Variants in TBC1D9 observed in about 807,000 individuals in gnomAD.
TBC1D9 encodes the protein TBC1 domain family member 9A.
In TBC1D9, 63 loss-of-function variants were observed where a neutral mutation model predicts 132.0. The ratio of observed to expected loss-of-function variants is 0.48; its 90% confidence interval spans 0.39 to 0.59. The LOEUF (loss-of-function observed/expected upper bound fraction) is 0.59. Among genes scored for constraint, TBC1D9 ranks in the 20% least tolerant of loss-of-function variants. The pLI is 0.00. For missense variants in TBC1D9, 1,261 were observed against 1,592.7 expected (o/e 0.79, Z 3.54); for synonymous variants, 610 against 609.9 (o/e 1.00, Z 0.00).
chr4:140,653,838 G>A (rs147933247), intron 13 of TBC1D9, among the ~76,000 whole-genome samples: 1 of 152,332 alleles, frequency 6.6e-6, no homozygotes, highest in African/African-American at 2.4e-5. Context: ...GAAGGGAACT[G>A]CGGCTTTGTC....
chr4:140,752,057 C>T (rs6853616), intron 1 of TBC1D9, among the ~76,000 whole-genome samples: 48,817 of 151,970 alleles, frequency 0.32, 8,191 homozygotes, highest in East Asian at 0.57. Context: ...CTAGCAATTC[C>T]TCTCCTGTTT....
At chr4:140,737,157 G>C (rs114598117) in intron 1 of TBC1D9, among the ~76,000 whole-genome samples, 1 of 152,156 alleles carries the variant, frequency 6.6e-6, no homozygotes, top group African/African-American at 2.4e-5. Flanking sequence ...TGCTGCTGCT[G>C]ATCTGACAGG....
rs150092531 is a variant in TBC1D9 at position 140,637,148 on chromosome 4, G to C, written c.2505+1938C>G. Among the ~76,000 whole-genome samples the C allele has an allele frequency of 9.3e-4, 142 of 152,100 alleles. 6 individuals carry two copies. In the East Asian group the frequency reaches 0.024, roughly 25 times the overall value. ...AGGCAGATCACAAGGTCAGGAGTTC[G>C]AGACCAGCATGGCCAATATGGTGAA... On this transcript the variant is annotated intron_variant, in intron 15 of 20. Coordinates refer to ENST00000442267, the MANE Select transcript of TBC1D9 (RefSeq NM_015130.3).
chr4:140,723,844 T>A (rs1738459422), intron 1 of TBC1D9, among the ~76,000 whole-genome samples: 2 of 151,972 alleles, frequency 1.3e-5, no homozygotes, highest in Non-Finnish European at 2.9e-5. Context: ...ACTCCTGGGT[T>A]CAAATGTTCC....
At chr4:140,716,809 T>C (rs2111054126) in intron 1 of TBC1D9, among the ~76,000 whole-genome samples, 1 of 151,520 alleles carries the variant, frequency 6.6e-6, no homozygotes, top group Admixed American at 6.6e-5. Context: ...AATTATATTG[T>C]CTACACCTAG....
In TBC1D9 at chr4:140,726,924, A is replaced by G. The variant is rs192106830; in HGVS notation, c.131-25310T>C. ...TCAAGCTGCCTCTGTCATTTACTCA[A>G]TATCTCATAACAACTGATATGCGGT... On this transcript the variant is annotated intron_variant, in intron 1 of 20. Coordinates refer to ENST00000442267, the MANE Select transcript of TBC1D9 (RefSeq NM_015130.3). Among the ~76,000 whole-genome samples, 9 of 152,230 alleles carry G rather than the reference A, an allele frequency of 5.9e-5. 1 individual carries two copies. The highest frequency in any genetic ancestry group is 9.6e-5 in the African/African-American group (4 of 41,526).
At chr4:140,741,025 T>G (rs1025875640) in intron 1 of TBC1D9, among the ~76,000 whole-genome samples, 1 of 152,158 alleles carries the variant, frequency 6.6e-6, no homozygotes, top group African/African-American at 2.4e-5. Context: ...GAAAAACTAG[T>G]TCAGGCCATG....
chr4:140,670,207 G>C (rs1737514174), intron 7 of TBC1D9, among the ~76,000 whole-genome samples: 1 of 152,196 alleles, frequency 6.6e-6, no homozygotes, highest in Non-Finnish European at 1.5e-5. Flanking sequence ...CAGAGACAGA[G>C]ATGTTATGTG....
intron 6 of TBC1D9, among the ~76,000 whole-genome samples, chr4:140,674,652 T>TA (rs922756983): frequency 4.7e-5 from 7 of 150,000 alleles, no homozygotes; most frequent in East Asian, 1.9e-4. Flanking sequence ...CCCTATCTCT[T>TA]AAAAAAAAAT....
chr4:140,725,052 T>G (rs944953917), intron 1 of TBC1D9, among the ~76,000 whole-genome samples: 3 of 152,214 alleles, frequency 2.0e-5, no homozygotes, highest in Non-Finnish European at 4.4e-5. Flanking sequence ...CGATTTCACT[T>G]GTTGAAATTT....
intron 13 of TBC1D9, chr4:140,643,045 G>T (rs1046863820): frequency 7.6e-6 from 9 of 1,179,826 alleles, no homozygotes; most frequent in South Asian, 1.5e-5. Flanking sequence ...GGGTACATCC[G>T]CTCCTCCTTC....
chr4:140,638,677 A>AACTCTGCATTTGTCTGGCGCT (rs1736917953), intron 15 of TBC1D9, among the ~76,000 whole-genome samples: 1 of 152,140 alleles, frequency 6.6e-6, no homozygotes, highest in African/African-American at 2.4e-5. Flanking sequence ...AAGGAAAATC[A>AACTCTGCATTTGTCTGGCGCT]CAGAAATTTA....
At chr4:140,729,933 C>T (rs1738562154) in intron 1 of TBC1D9, among the ~76,000 whole-genome samples, 1 of 150,858 alleles carries the variant, frequency 6.6e-6, no homozygotes, top group Admixed American at 6.6e-5. Flanking sequence ...ACTGAGAAAG[C>T]ACTGTTTTGA....
chr4:140,626,115 T>G (rs950866655), intron 18 of TBC1D9, among the ~76,000 whole-genome samples: 1 of 152,236 alleles, frequency 6.6e-6, no homozygotes, highest in Non-Finnish European at 1.5e-5. Flanking sequence ...GAGAACATTT[T>G]GTAGCCAGAA....
At chr4:140,639,217 C>T in intron 14 of TBC1D9, 63 bp from the exon 15 acceptor site, 1 of 1,474,314 alleles carries the variant, frequency 6.8e-7, no homozygotes, top group Admixed American at 2.0e-5. Flanking sequence ...GGGAAAATCC[C>T]TAATTTTTCC....
intron 13 of TBC1D9, chr4:140,642,475 GT>G: frequency 4.0e-6 from 4 of 1,005,290 alleles, no homozygotes; most frequent in Non-Finnish European, 4.6e-6. Flanking sequence ...GCCCCTGCCA[GT>G]TTTTGATTTC....
chr4:140,719,349 G>A (rs1235018165), intron 1 of TBC1D9, among the ~76,000 whole-genome samples: 1 of 152,078 alleles, frequency 6.6e-6, no homozygotes, highest in Non-Finnish European at 1.5e-5. Context: ...AAACTGTAGA[G>A]TCTCTCACTC....
chr4:140,635,320 A>G (rs1043714810), intron 15 of TBC1D9, among the ~76,000 whole-genome samples: 9 of 152,038 alleles, frequency 5.9e-5, no homozygotes, highest in African/African-American at 9.7e-5. Context: ...TCTATGAAAA[A>G]AAAGTTTAAA....
intron 1 of TBC1D9, among the ~76,000 whole-genome samples, chr4:140,718,675 C>A (rs1258260555): frequency 3.9e-5 from 6 of 152,182 alleles, no homozygotes; most frequent in African/African-American, 1.4e-4. Flanking sequence ...TCCGAAAGAG[C>A]ACCCAGCAGT....
Sources: allele counts gnomAD v4.1 joint callset (sites outside exome capture counted in the v4.1 genomes callset), GRCh38; gene constraint gnomAD v4.1.1; transcripts MANE v1.5; gene names NCBI Gene and HGNC (gene_info 2026-07-23, HGNC 2026-07-21).